The following CUL4B variants were observed in gnomAD, a reference collection of about 807,000 sequenced individuals.
The protein encoded by CUL4B is cullin-4B.
In CUL4B, 1 loss-of-function variant was observed where a neutral mutation model predicts 69.2. The observed-to-expected ratio is 0.01, with a 90% confidence interval of 0.01 to 0.07. CUL4B has a LOEUF of 0.07. Among genes scored for constraint, CUL4B ranks in the 10% least tolerant of loss-of-function variants. The pLI is 1.00. For synonymous variants in CUL4B, 237 were observed against 223.2 expected, an observed-to-expected ratio of 1.06 and a Z score of -0.55; for missense variants, 328 against 638.8, an observed-to-expected ratio of 0.51 and a Z score of 5.24.
At chrX:120,568,932 G>A (rs965915291), downstream of CUL4B, among the ~76,000 whole-genome samples, 20 of 111,767 alleles carry the variant, frequency 1.8e-4, no homozygotes, top group Admixed American at 1.6e-3. Context: ...AGAAAAAGAC[G>A]TTCAGAGCCC....
At chrX:120,561,470 G>T, upstream of CUL4B, 1 of 504,820 alleles carries the variant, frequency 2.0e-6, no homozygotes, top group South Asian at 2.5e-5. Context: ...GGGAGAAATT[G>T]GGGGGAAGAA....
intron 2 of CUL4B, among the ~76,000 whole-genome samples, chrX:120,549,279 C>T (rs187261886): frequency 2.7e-5 from 3 of 112,229 alleles, no homozygotes; most frequent in Non-Finnish European, 5.6e-5. Flanking sequence ...CTTGGCAGAG[C>T]GCGGTGGCTC....
intron 19 of CUL4B, among the ~76,000 whole-genome samples, chrX:120,528,800 A>G (rs1344985580): frequency 8.9e-6 from 1 of 112,116 alleles, no homozygotes; most frequent in African/African-American, 3.2e-5. Context: ...TAGTGCATCT[A>G]AGTGACTTGG....
intron 2 of CUL4B, among the ~76,000 whole-genome samples, chrX:120,556,995 T>A (rs1255836267): frequency 2.8e-5 from 3 of 107,867 alleles, no homozygotes; most frequent in African/African-American, 1.0e-4. Context: ...CACCGCAACC[T>A]CTACCTCCTG....
At chrX:120,554,669 A>G (rs1298909014) in intron 2 of CUL4B, among the ~76,000 whole-genome samples, 1 of 112,486 alleles carries the variant, frequency 8.9e-6, no homozygotes, top group Non-Finnish European at 1.9e-5. Flanking sequence ...TTTCATGCAG[A>G]AGTAAGTTCT....
chrX:120,558,646 T>A (rs1273525822), intron 1 of CUL4B, among the ~76,000 whole-genome samples: 1 of 111,783 alleles, frequency 8.9e-6, no homozygotes, highest in African/African-American at 3.3e-5. Context: ...ACGAGCAGAG[T>A]GAAATTTTTA....
chrX:120,566,038 A>G (rs1925501888), upstream of CUL4B, among the ~76,000 whole-genome samples: 1 of 107,803 alleles, frequency 9.3e-6, no homozygotes, highest in Admixed American at 1.0e-4. Flanking sequence ...CAGGCAGTCC[A>G]TTTTCTTCAT....
upstream of CUL4B, among the ~76,000 whole-genome samples, chrX:120,563,511 A>G (rs1418880148): frequency 1.8e-5 from 2 of 112,228 alleles, no homozygotes; most frequent in East Asian, 5.6e-4. Context: ...TGCTGGGCCT[A>G]CCATATAGTT....
Position 120,538,662 on chromosome X carries a change from T to C in CUL4B, c.1850A>G (p.His617Arg). Residue 617 changes from histidine to arginine, a missense_variant and splice_region_variant, in exon 13 of 20, where the codon CAT becomes CGT. By Grantham distance (29) the His-to-Arg change is conservative. Around this residue, in one of 4 missense-constraint regions of CUL4B, gnomAD observed 98 missense variants for 296.8 expected, o/e 0.33. Coordinates refer to ENST00000371322, the MANE Select transcript of CUL4B (RefSeq NM_001079872.2). Reference protein sequence around the residue: ...AEKSMLSKLKHECGAAFTSKL... With the variant: ...AEKSMLSKLKRECGAAFTSKL... ...AACAGAAAGAATGAGAAACCTACCA[T>C]GTTTAAGTTTGGACAGCATTGATTT... 1 of 1,130,482 alleles carries C rather than the reference T, an allele frequency of 8.8e-7. No homozygotes were observed. Among genetic ancestry groups the C allele is most frequent in the African/African-American group, 1.8e-5 (1 of 56,368 alleles). The allele number at this position is 1,130,482 out of a possible 1,213,427, so 93.2% of individuals were successfully genotyped here.
At position 120,540,579 on chromosome X, in the gene CUL4B, C is replaced by T; in HGVS notation, c.1444-17G>A. 1 of 1,098,737 alleles carries T rather than the reference C, an allele frequency of 9.1e-7. No individual in the cohort carries two copies. The allele number at this position is 1,098,737 out of a possible 1,213,427, so 90.5% of individuals were successfully genotyped here. A position where few individuals can be genotyped will look rare whatever the true frequency, so the allele number is the denominator to read the frequency against. ...GCCAAATGCCTAAAACAAAAAATTACCACTTTTTACTGTAATCGAATTGTC... is the reference window on the plus strand; with the variant it reads ...GCCAAATGCCTAAAACAAAAAATTATCACTTTTTACTGTAATCGAATTGTC... On this transcript the variant is annotated splice_polypyrimidine_tract_variant and intron_variant, in intron 10 of 19. Coordinates refer to ENST00000371322, the MANE Select transcript of CUL4B (RefSeq NM_001079872.2).
At chrX:120,571,476 C>G (rs967754218) in exon 3 of CUL4B, 7 of 111,026 alleles carry the variant, frequency 6.3e-5, no homozygotes, top group African/African-American at 2.3e-4. Flanking sequence ...GGGGGATGCA[C>G]CCTCCAACCT....
chrX:120,531,326 A>G (rs967765880), intron 18 of CUL4B, among the ~76,000 whole-genome samples: 2 of 109,447 alleles, frequency 1.8e-5, no homozygotes, highest in Admixed American at 9.8e-5. Flanking sequence ...ACCTCAAAAA[A>G]AAAATTTTTT....
chrX:120,539,242 A>G (rs1472134333), intron 12 of CUL4B, 26 bp downstream of exon 12: 2 of 894,573 alleles, frequency 2.2e-6, no homozygotes, highest in Admixed American at 5.3e-5. Flanking sequence ...TAAAAGAAAA[A>G]TATTAAAACA....
At chrX:120,565,878 A>G (rs112347202), upstream of CUL4B, among the ~76,000 whole-genome samples, 1 of 104,325 alleles carries the variant, frequency 9.6e-6, no homozygotes, top group African/African-American at 3.5e-5. Flanking sequence ...GGCGCCTACC[A>G]CCACGCCCAG....
rs1194728600 is a variant in CUL4B at position 120,546,522 on chromosome X, AAATAC to A, written c.846+20_846+24del. ...TAACTATTAATACAATGTTTAGCCGAAATACAATACTTTTTCCAGCTTACCATTTG... is the reference window on the plus strand; with the variant it reads ...TAACTATTAATACAATGTTTAGCCGAAATACTTTTTCCAGCTTACCATTTG... On this transcript the variant is annotated intron_variant, in intron 4 of 19. Coordinates refer to ENST00000371322, the MANE Select transcript of CUL4B (RefSeq NM_001079872.2). The A allele has an allele frequency of 4.0e-5, 46 of 1,151,801 alleles. No homozygotes were observed. The highest frequency in any genetic ancestry group is 5.2e-5 in the Non-Finnish European group (44 of 842,613). The allele number at this position is 1,151,801 out of a possible 1,213,427, so 94.9% of individuals were successfully genotyped here.
upstream of CUL4B, among the ~76,000 whole-genome samples, chrX:120,563,065 A>G (rs1303873128): frequency 1.8e-5 from 2 of 112,267 alleles, no homozygotes; most frequent in African/African-American, 6.5e-5. Context: ...CCCTGATTAA[A>G]ATGCAAATCA....
intron 12 of CUL4B, 138 bp downstream of exon 12, chrX:120,539,130 T>C (rs1923839688): frequency 1.1e-5 from 5 of 451,061 alleles, no homozygotes; most frequent in South Asian, 3.8e-5. Flanking sequence ...ATTCCTCACG[T>C]ATCCCCCCAA....
At chrX:120,531,500 C>G (rs1923313880) in intron 18 of CUL4B, among the ~76,000 whole-genome samples, 1 of 106,114 alleles carries the variant, frequency 9.4e-6, no homozygotes, top group Non-Finnish European at 1.9e-5. Context: ...CTCACTGTCA[C>G]CCAGGCTGCA....
intron 2 of CUL4B, among the ~76,000 whole-genome samples, chrX:120,550,339 A>G (rs1924614140): frequency 8.9e-6 from 1 of 112,383 alleles, no homozygotes. Flanking sequence ...GAAGTATTCA[A>G]AAAAAACTCT....
Sources: gnomAD v4.1 joint callset for allele counts (sites outside exome capture counted in the v4.1 genomes callset) on GRCh38, gnomAD v4.1.1 for gene constraint, gnomAD v4.1.1 regional missense constraint, MANE v1.5 for transcripts, NCBI Gene and HGNC (gene_info 2026-07-23, HGNC 2026-07-21) for gene names.